DNM1: variants seen among roughly 807,000 people sequenced by gnomAD.
DNM1 encodes the protein dynamin 1.
In DNM1, 29 loss-of-function variants were observed where a neutral mutation model predicts 104.6. The ratio of observed to expected loss-of-function variants is 0.28; its 90% CI spans 0.21 to 0.38. The LOEUF is 0.38. Among genes scored for constraint, DNM1 ranks in the 10% least tolerant of loss-of-function variants. The pLI is 1.00. For synonymous variants in DNM1, 445 were observed against 475.8 expected (o/e 0.94, Z 0.84); for missense variants, 640 against 1,189.4 (o/e 0.54, Z 6.79).
Position 128,224,175 on chromosome 9 carries a change from G to T in DNM1, c.1197-76G>T. ...CCTCAGGCAGAGTTCGTGGGCTTGG[G>T]GAGGAGCCTCGGCCTGGCCCTCCTG... On this transcript the variant is annotated intron_variant, in intron 9 of 21. Transcript: ENST00000372923. The surrounding 1 kb of genome is among the most constrained non-coding windows in gnomAD (Gnocchi z 4.3). 6.5e-7 allele frequency: 1 copy of T among 1,537,194 alleles called. No homozygotes were observed. The highest frequency in any genetic ancestry group is 8.8e-7 in the Non-Finnish European group (1 of 1,138,302).
At position 128,253,010 on chromosome 9, in the gene DNM1, GC is replaced by G. The variant is rs1829622405; in HGVS notation, c.2535-1641del. On this transcript the variant is annotated intron_variant, in intron 21 of 21. Transcript: ENST00000372923. This position sits in a 1 kb window ranked among gnomAD's most constrained non-coding sequence, Gnocchi z 5.9. ...GGGGCCTCACAGCATGTGTGTGCACGCCCGGGCGTGTGCGTGTGTGTGTCCC... is the reference window on the plus strand; with the variant it reads ...GGGGCCTCACAGCATGTGTGTGCACGCCGGGCGTGTGCGTGTGTGTGTCCC... 2 of 1,300,218 alleles carry G rather than the reference GC, an allele frequency of 1.5e-6. No individual in the cohort carries two copies. The highest frequency in any genetic ancestry group is 2.3e-5 in the East Asian group (1 of 43,390). 80.5% of individuals were successfully genotyped at this position (1,300,218 alleles called of 1,614,324 possible).
Position 128,251,352 on chromosome 9 carries a change from A to G in DNM1, c.2534+412A>G, listed in dbSNP as rs777831326. On this transcript the variant is annotated intron_variant, in intron 21 of 21. Coordinates refer to ENST00000372923, the MANE Select transcript of DNM1 (RefSeq NM_004408.4). ...GAGCCTACCTTAGGTCTGACTCTGAACCCCGATCTGCTCTGAGTGTGTGGA... is the reference window on the plus strand; with the variant it reads ...GAGCCTACCTTAGGTCTGACTCTGAGCCCCGATCTGCTCTGAGTGTGTGGA... The G allele has an allele frequency of 2.9e-4, 100 of 342,132 alleles. 1 individual carries two copies. The highest frequency in any genetic ancestry group is 1.1e-4 in the Admixed American group (3 of 27,136). The allele number at this position is 342,132 out of a possible 1,614,324, so 21.2% of individuals were successfully genotyped here.
chr9:128,239,847 C>T, intron 13 of DNM1, 68 bp downstream of exon 13: 1 of 1,576,242 alleles, frequency 6.3e-7, no homozygotes, highest in Non-Finnish European at 8.7e-7. Context: ...CTCTGAGAGC[C>T]CCCTCCCCTG....
chr9:128,255,173 G>C lies in DNM1; in HGVS notation c.*459G>C, dbSNP rs1829770412. 6.1e-6 allele frequency: 1 copy of C among 163,170 alleles called. No individual in the cohort carries two copies. The highest frequency in any genetic ancestry group is 1.3e-5 in the Non-Finnish European group (1 of 75,722). The allele number at this position is 163,170 out of a possible 1,614,324, so 10.1% of individuals were successfully genotyped here. A position where few individuals can be genotyped will look rare whatever the true frequency, so the allele number is the denominator to read the frequency against. On this transcript the variant is annotated 3_prime_UTR_variant, in exon 22 of 22. Coordinates refer to ENST00000372923, the MANE Select transcript of DNM1 (RefSeq NM_004408.4). Reference sequence around the variant, plus strand: ...ATGGGGGTGCTGTGCAGGCAGCCGTGTGGCCTGACAGTTTCTACCAGTCCT... The same window carrying C: ...ATGGGGGTGCTGTGCAGGCAGCCGTCTGGCCTGACAGTTTCTACCAGTCCT...
intron 10 of DNM1, among the ~76,000 whole-genome samples, chr9:128,229,681 G>A (rs1053023083): frequency 3.3e-5 from 5 of 150,986 alleles, no homozygotes; most frequent in African/African-American, 1.2e-4. Flanking sequence ...TTGGGAGGCC[G>A]AGGCAGGTGG....
chr9:128,231,951 C>G (rs1286862199), intron 10 of DNM1: 1 of 455,246 alleles, frequency 2.2e-6, no homozygotes, highest in African/African-American at 2.0e-5. Flanking sequence ...GCCCCCTCAG[C>G]CAAGGGCTGA....
chr9:128,250,391 C>G (rs1829437782), intron 20 of DNM1, 35 bp downstream of exon 20: 10 of 1,533,878 alleles, frequency 6.5e-6, no homozygotes, highest in Non-Finnish European at 8.8e-6. Context: ...CCAAAGCCCC[C>G]CAGCCCGGGG....
intron 10 of DNM1, among the ~76,000 whole-genome samples, chr9:128,233,357 G>A (rs1167956698): frequency 1.3e-5 from 2 of 152,230 alleles, no homozygotes; most frequent in Admixed American, 6.5e-5. Context: ...GGCCCCGCGG[G>A]GTACTGCTCA....
intron 1 of DNM1, among the ~76,000 whole-genome samples, chr9:128,209,129 T>G (rs1834143952): frequency 6.6e-6 from 1 of 152,008 alleles, no homozygotes; most frequent in African/African-American, 2.4e-5. Flanking sequence ...CTCTGCATGC[T>G]CAGAGCACGC....
intron 20 of DNM1, 87 bp downstream of exon 20, chr9:128,250,443 G>T: frequency 7.3e-7 from 1 of 1,372,256 alleles, no homozygotes; most frequent in Non-Finnish European, 9.7e-7. Context: ...GCGCGCCCGC[G>T]TCACCGGGGT....
chr9:128,252,903 G>C, intron 21 of DNM1: 1 of 691,208 alleles, frequency 1.4e-6, no homozygotes, highest in South Asian at 1.5e-5. Context: ...CAGTGAGGGT[G>C]CTGGGCACTG....
chr9:128,226,738 CTT>C (rs1333658519), intron 10 of DNM1, among the ~76,000 whole-genome samples: 1 of 152,154 alleles, frequency 6.6e-6, no homozygotes, highest in African/African-American at 2.4e-5. Flanking sequence ...GGGGCGGTCT[CTT>C]TTGAGTTGTC....
chr9:128,252,334 AAC>A (rs1387872993), intron 21 of DNM1: 4 of 366,782 alleles, frequency 1.1e-5, no homozygotes, highest in African/African-American at 8.5e-5. Context: ...CAGTCTTGCT[AAC>A]ACACATGAAA....
rs1351603872 is a variant in DNM1 at position 128,218,431 on chromosome 9, T to G, written c.235+127T>G. The G allele has an allele frequency of 1.4e-6, 2 of 1,410,638 alleles. No individual in the cohort carries two copies. Among genetic ancestry groups the G allele is most frequent in the Non-Finnish European group, 2.0e-6 (2 of 998,614 alleles). 87.4% of individuals were successfully genotyped at this position (1,410,638 alleles called of 1,614,324 possible). On this transcript the variant is annotated intron_variant, in intron 2 of 21. Coordinates refer to ENST00000372923, the MANE Select transcript of DNM1 (RefSeq NM_004408.4). This position sits in a 1 kb window ranked among gnomAD's most constrained non-coding sequence, Gnocchi z 4.8. ...CTGTGGGCCTCGTTCCCCTTAGGGA[T>G]AGCGGGGATCAAAATACATAATGGA...
intron 19 of DNM1, among the ~76,000 whole-genome samples, chr9:128,249,739 A>G (rs1036187426): frequency 1.3e-5 from 2 of 151,732 alleles, no homozygotes; most frequent in African/African-American, 2.4e-5. Flanking sequence ...ATTGGAAGAT[A>G]ACTTTGAGCC....
chr9:128,228,897 C>A (rs3003576), intron 10 of DNM1, among the ~76,000 whole-genome samples: 66,479 of 151,486 alleles, frequency 0.44, 17,525 homozygotes, highest in Admixed American at 0.61. Flanking sequence ...GGAGGAGAAT[C>A]GCTTGAACCT....
intron 10 of DNM1, among the ~76,000 whole-genome samples, chr9:128,228,947 C>T (rs900025137): frequency 6.6e-6 from 1 of 151,516 alleles, no homozygotes; most frequent in Non-Finnish European, 1.5e-5. Flanking sequence ...CACACCACTG[C>T]ACTCCAGCCT....
chr9:128,234,205 G>A, intron 11 of DNM1, 98 bp downstream of exon 11: 2 of 950,560 alleles, frequency 2.1e-6, no homozygotes, highest in Non-Finnish European at 3.1e-6. Context: ...TTCTTGTTTT[G>A]TCTCTTCTGT....
intron 1 of DNM1, among the ~76,000 whole-genome samples, chr9:128,206,344 C>G (rs1172442522): frequency 3.9e-5 from 6 of 152,194 alleles, no homozygotes; most frequent in Non-Finnish European, 5.9e-5. Context: ...TGGGTCTATA[C>G]TATTTCTTCA....
Sources: allele counts gnomAD v4.1 joint callset (sites outside exome capture counted in the v4.1 genomes callset), GRCh38; gene constraint gnomAD v4.1.1; non-coding constraint Gnocchi (gnomAD v3.1); transcripts MANE v1.5; gene names NCBI Gene and HGNC (gene_info 2026-07-23, HGNC 2026-07-21).